Variants in ADD3 observed in about 807,000 individuals in gnomAD.
ADD3 encodes gamma-adducin.
In ADD3, 25 loss-of-function variants were observed where a neutral mutation model predicts 80.2. That is an observed-to-expected ratio of 0.31 (90% confidence interval 0.23 to 0.44). The LOEUF (loss-of-function observed/expected upper bound fraction) is 0.44, where lower values mean the gene tolerates loss of function less well. Among genes scored for constraint, ADD3 ranks in the 20% least tolerant of loss-of-function variants. The pLI, the probability that ADD3 is intolerant of heterozygous loss-of-function variation, is 1.00. For missense variants in ADD3, 829 were observed against 847.5 expected (o/e 0.98, Z 0.27); for synonymous variants, 284 against 289.6 (o/e 0.98, Z 0.20).
intron 1 of ADD3, among the ~76,000 whole-genome samples, chr10:110,014,489 T>G (rs1368055309): frequency 6.6e-6 from 1 of 152,174 alleles, no homozygotes; most frequent in African/African-American, 2.4e-5. Context: ...GTGAAAACAG[T>G]GTACCTCTTA....
At chr10:110,064,649 A>G (rs1001189654) in intron 1 of ADD3, among the ~76,000 whole-genome samples, 37 of 152,280 alleles carry the variant, frequency 2.4e-4, no homozygotes, top group African/African-American at 6.0e-4. Context: ...TTTTTCAGAT[A>G]CCCTTAAAAT....
At chr10:110,085,175 G>A (rs897609764) in intron 1 of ADD3, among the ~76,000 whole-genome samples, 1 of 152,072 alleles carries the variant, frequency 6.6e-6, no homozygotes, top group Admixed American at 6.5e-5. Flanking sequence ...ACTTTTCAAA[G>A]CTAAATCCTG....
intron 1 of ADD3, among the ~76,000 whole-genome samples, chr10:110,036,669 G>A (rs567832957): frequency 7.9e-5 from 12 of 151,972 alleles, no homozygotes; most frequent in Admixed American, 1.3e-4. Flanking sequence ...ACCACGCCCA[G>A]CCTTCTTTTT....
intron 1 of ADD3, among the ~76,000 whole-genome samples, chr10:110,031,865 A>G (rs969128047): frequency 1.3e-5 from 2 of 151,876 alleles, no homozygotes; most frequent in African/African-American, 4.8e-5. Context: ...ATTTATGAGA[A>G]TGCATAAATC....
intron 1 of ADD3, among the ~76,000 whole-genome samples, chr10:109,996,734 G>A (rs1256507166): frequency 6.6e-6 from 1 of 152,094 alleles, no homozygotes; most frequent in Admixed American, 6.5e-5. Flanking sequence ...TATCTGGGAG[G>A]GCTTAGTAGA....
chr10:110,077,787 G>A (rs1845543039), intron 1 of ADD3, among the ~76,000 whole-genome samples: 1 of 151,814 alleles, frequency 6.6e-6, no homozygotes. Flanking sequence ...CGCAACTGGG[G>A]GTCTGTCTGA....
intron 12 of ADD3, 72 bp downstream of exon 12, chr10:110,126,575 T>A: frequency 9.1e-7 from 1 of 1,101,020 alleles, no homozygotes; most frequent in South Asian, 1.4e-5. Context: ...TAAATATGAA[T>A]ATTTATTTTT....
chr10:110,100,912 A>C, intron 2 of ADD3, 64 bp downstream of exon 2: 1 of 1,433,890 alleles, frequency 7.0e-7, no homozygotes, highest in Admixed American at 2.5e-5. Flanking sequence ...AATAAGGTAG[A>C]AGTTTTCTCA....
intron 1 of ADD3, among the ~76,000 whole-genome samples, chr10:110,026,391 C>T (rs1312261354): frequency 1.3e-5 from 2 of 151,648 alleles, no homozygotes; most frequent in African/African-American, 4.9e-5. Flanking sequence ...AGCAATTCTC[C>T]TGCCTCAGCC....
chr10:110,123,792 T>A, intron 9 of ADD3: 1 of 514,128 alleles, frequency 1.9e-6, no homozygotes, highest in South Asian at 2.5e-5. Flanking sequence ...GTTGTGTGAG[T>A]GGAAATTGCA....
intron 2 of ADD3, among the ~76,000 whole-genome samples, chr10:110,108,585 T>A (rs528723682): frequency 6.6e-6 from 1 of 152,144 alleles, no homozygotes; most frequent in African/African-American, 2.4e-5. Flanking sequence ...AATTTTTATC[T>A]TAATATTTTA....
At chr10:109,999,110 G>T (rs375144789) in intron 1 of ADD3, among the ~76,000 whole-genome samples, 1 of 152,142 alleles carries the variant, frequency 6.6e-6, no homozygotes, top group Non-Finnish European at 1.5e-5. Flanking sequence ...ACAGTGACTG[G>T]AAGTGTGGCA....
intron 1 of ADD3, among the ~76,000 whole-genome samples, chr10:110,016,269 A>T (rs1852982753): frequency 6.6e-6 from 1 of 152,180 alleles, no homozygotes; most frequent in South Asian, 2.1e-4. Flanking sequence ...TCCTGGAGAA[A>T]CCAGGCCCAG....
intron 12 of ADD3, among the ~76,000 whole-genome samples, chr10:110,129,150 C>CTTT (rs746835809): frequency 2.2e-5 from 3 of 138,310 alleles, no homozygotes; most frequent in Admixed American, 7.2e-5. Flanking sequence ...TTCTTTCTTT[C>CTTT]TTTTTTTTTT....
At chr10:110,101,979 G>C (rs1360344562) in intron 2 of ADD3, among the ~76,000 whole-genome samples, 1 of 152,126 alleles carries the variant, frequency 6.6e-6, no homozygotes, top group Non-Finnish European at 1.5e-5. Context: ...TTGTGTCCTT[G>C]TGAATTTAAT....
At chr10:110,086,002 G>A (rs1299270975) in intron 1 of ADD3, among the ~76,000 whole-genome samples, 20 of 152,108 alleles carry the variant, frequency 1.3e-4, no homozygotes, top group African/African-American at 4.3e-4. Flanking sequence ...CTACTTGGAC[G>A]GCTGAAGCAC....
At chr10:110,128,347 A>G (rs887883449) in intron 12 of ADD3, among the ~76,000 whole-genome samples, 2 of 150,556 alleles carry the variant, frequency 1.3e-5, no homozygotes, top group African/African-American at 4.9e-5. Context: ...TTTGTATCCT[A>G]CTTTCTGGGA....
chr10:110,129,335 G>A (rs892668567), intron 12 of ADD3, among the ~76,000 whole-genome samples: 4 of 152,072 alleles, frequency 2.6e-5, no homozygotes, highest in Middle Eastern at 3.4e-3. Context: ...TTTTAGTAGA[G>A]GCAGGGTTTC....
chr10:110,098,511 T>A (rs1400685561), intron 1 of ADD3, among the ~76,000 whole-genome samples: 1 of 152,234 alleles, frequency 6.6e-6, no homozygotes, highest in Non-Finnish European at 1.5e-5. Context: ...GACATTGTGC[T>A]ATTTGCAAAG....
Sources: allele counts gnomAD v4.1 joint callset (sites outside exome capture counted in the v4.1 genomes callset), GRCh38; gene constraint gnomAD v4.1.1; transcripts MANE v1.5; gene names NCBI Gene and HGNC (gene_info 2026-07-23, HGNC 2026-07-21).